OR51B5: variants seen among roughly 807,000 people sequenced by gnomAD.
The protein encoded by OR51B5 is olfactory receptor 51B5.
For missense variants in OR51B5, 456 were observed against 374.6 expected (o/e 1.22, Z -1.79); for synonymous variants, 186 against 144.8 (o/e 1.28, Z -2.04).
intron 1 of OR51B5, chr11:5,422,297 G>C (rs139705409): frequency 1.2e-6 from 2 of 1,613,838 alleles, no homozygotes; most frequent in East Asian, 2.2e-5. Flanking sequence ...CTCCATCCCC[G>C]TCTGCTGTCT....
intron 1 of OR51B5, among the ~76,000 whole-genome samples, chr11:5,490,024 A>C (rs1328607149): frequency 6.6e-6 from 1 of 152,188 alleles, no homozygotes; most frequent in Non-Finnish European, 1.5e-5. Flanking sequence ...GTTTGGAATG[A>C]ATTTGAGTCT....
intron 1 of OR51B5, among the ~76,000 whole-genome samples, chr11:5,493,473 A>G (rs2133816611): frequency 6.6e-6 from 1 of 152,324 alleles, no homozygotes; most frequent in South Asian, 2.1e-4. Flanking sequence ...GAATTATCTC[A>G]ACTCCGAGAA....
At position 5,472,336 on chromosome 11, in the gene OR51B5, G is replaced by A. The variant is rs1851241340; in HGVS notation, n.84+33233C>T. On this transcript the variant is annotated intron_variant and non_coding_transcript_variant, in intron 1 of 4. Coordinates refer to the OR51B5 transcript ENST00000415970. ...AAAGGATTTCGAAGCTATGAAGGAGGTGCCTGAGGGCCTCTGTGGGGGAAG... is the reference window on the plus strand; with the variant it reads ...AAAGGATTTCGAAGCTATGAAGGAGATGCCTGAGGGCCTCTGTGGGGGAAG... Among the ~76,000 whole-genome samples, 2 of 152,194 alleles carry A rather than the reference G, an allele frequency of 1.3e-5. 1 individual carries two copies. Among genetic ancestry groups the A allele is most frequent in the South Asian group, 4.1e-4 (2 of 4,824 alleles).
intron 1 of OR51B5, among the ~76,000 whole-genome samples, chr11:5,491,379 G>C (rs1260994496): frequency 6.6e-6 from 1 of 152,196 alleles, no homozygotes; most frequent in African/African-American, 2.4e-5. Flanking sequence ...AGAGCTCCTA[G>C]TTCAGTTGTG....
At chr11:5,429,183 T>C (rs771339806) in intron 1 of OR51B5, among the ~76,000 whole-genome samples, 11 of 151,998 alleles carry the variant, frequency 7.2e-5, no homozygotes, top group Non-Finnish European at 1.3e-4. Context: ...ACCTATTCCC[T>C]AGTCCCCTGC....
intron 1 of OR51B5, among the ~76,000 whole-genome samples, chr11:5,500,869 GT>G (rs1165892128): frequency 1.4e-5 from 2 of 148,072 alleles, no homozygotes; most frequent in African/African-American, 4.9e-5. Flanking sequence ...CATATCCCAG[GT>G]TATAGTCCTG....
intron 1 of OR51B5, chr11:5,440,807 C>T (rs1394758972): frequency 6.2e-7 from 1 of 1,613,856 alleles, no homozygotes; most frequent in Non-Finnish European, 8.5e-7. Context: ...GTGCCTTGAG[C>T]CGCTGTTCCT....
chr11:5,374,061 G>T (rs1472623655), intron 1 of OR51B5, among the ~76,000 whole-genome samples: 1 of 152,176 alleles, frequency 6.6e-6, no homozygotes, highest in African/African-American at 2.4e-5. Flanking sequence ...CCCCCGAGCA[G>T]CCTAACTGGG....
chr11:5,461,441 C>A (rs893798071), intron 1 of OR51B5, among the ~76,000 whole-genome samples: 1 of 152,118 alleles, frequency 6.6e-6, no homozygotes, highest in Non-Finnish European at 1.5e-5. Flanking sequence ...CAGGTGGAGA[C>A]CCTGGGAGAG....
intron 1 of OR51B5, among the ~76,000 whole-genome samples, chr11:5,375,518 G>A (rs1026040642): frequency 6.6e-6 from 1 of 152,078 alleles, no homozygotes; most frequent in African/African-American, 2.4e-5. Flanking sequence ...TGCTCCAATT[G>A]AAAGACACAG....
At chr11:5,351,746 T>C (rs201384979) in intron 1 of OR51B5, 117 of 1,613,766 alleles carry the variant, frequency 7.3e-5, no homozygotes, top group Non-Finnish European at 2.5e-6. Flanking sequence ...CCCACAGTGC[T>C]AGGTGTTCTG....
chr11:5,407,170 G>A (rs1204249862), intron 1 of OR51B5, among the ~76,000 whole-genome samples: 1 of 151,988 alleles, frequency 6.6e-6, no homozygotes, highest in Non-Finnish European at 1.5e-5. Flanking sequence ...TGTATTGAGG[G>A]TACAGGATAT....
At chr11:5,388,364 C>T (rs146267878) in intron 1 of OR51B5, among the ~76,000 whole-genome samples, 55 of 151,320 alleles carry the variant, frequency 3.6e-4, no homozygotes, top group Non-Finnish European at 7.1e-4. Context: ...TACAGGAACA[C>T]ATAGGAGAGG....
intron 1 of OR51B5, chr11:5,441,231 G>A (rs115148889): frequency 8.1e-6 from 13 of 1,613,952 alleles, no homozygotes; most frequent in East Asian, 2.2e-5. Context: ...AGCATTAAAC[G>A]CAACATGGTT....
chr11:5,373,322 T>G (rs1849472063), intron 1 of OR51B5, among the ~76,000 whole-genome samples: 1 of 152,162 alleles, frequency 6.6e-6, no homozygotes. Context: ...GATTTTTTCT[T>G]TCACAAATAA....
chr11:5,401,239 A>G (rs1161365599), intron 1 of OR51B5, among the ~76,000 whole-genome samples: 2 of 152,196 alleles, frequency 1.3e-5, no homozygotes, highest in African/African-American at 4.8e-5. Flanking sequence ...AGTGTGTCTG[A>G]GCTAGAAAGA....
intron 1 of OR51B5, among the ~76,000 whole-genome samples, chr11:5,414,866 C>T (rs1314090912): frequency 5.9e-5 from 9 of 152,134 alleles, no homozygotes; most frequent in African/African-American, 1.9e-4. Context: ...GATAGATCAA[C>T]GAGACAGAAA....
At chr11:5,379,634 T>G (rs1849580315) in intron 1 of OR51B5, among the ~76,000 whole-genome samples, 1 of 152,128 alleles carries the variant, frequency 6.6e-6, no homozygotes, top group African/African-American at 2.4e-5. Context: ...ATGCATTTAG[T>G]TGTGTTTTAT....
chr11:5,390,017 A>G (rs752171861), intron 1 of OR51B5: 1 of 1,613,472 alleles, frequency 6.2e-7, no homozygotes, highest in Admixed American at 1.7e-5. Flanking sequence ...TATCACCTTC[A>G]ATAATCTGTA....
Sources: gnomAD v4.1 joint callset for allele counts (sites outside exome capture counted in the v4.1 genomes callset) on GRCh38, gnomAD v4.1.1 for gene constraint, MANE v1.5 for transcripts, NCBI Gene and HGNC (gene_info 2026-07-23, HGNC 2026-07-21) for gene names.